NYAP2: variants seen among roughly 807,000 people sequenced by gnomAD.
NYAP2 encodes neuronal tyrosine-phosphorylated phosphoinositide-3-kinase adaptor 2.
A neutral mutation model predicts 50.4 loss-of-function variants in NYAP2; 23 were observed. The ratio of observed to expected loss-of-function variants is 0.46; its 90% CI spans 0.33 to 0.65. The LOEUF (loss-of-function observed/expected upper bound fraction) is 0.65. Ranked by LOEUF, NYAP2 falls within the 30% of genes least tolerant of loss-of-function variation. NYAP2 has a pLI of 0.02. For missense variants in NYAP2, 885 were observed against 861.0 expected, an observed-to-expected ratio of 1.03 and a Z score of -0.35; for synonymous variants, 394 against 365.2, an observed-to-expected ratio of 1.08 and a Z score of -0.90.
intron 3 of NYAP2, among the ~76,000 whole-genome samples, chr2:225,417,642 C>G (rs1276734417): frequency 6.6e-6 from 1 of 151,968 alleles, no homozygotes; most frequent in East Asian, 1.9e-4. Flanking sequence ...GCATTTTCGT[C>G]TCTGATTTGG....
At chr2:225,560,234 T>C (rs1326235175) in intron 4 of NYAP2, among the ~76,000 whole-genome samples, 1 of 152,146 alleles carries the variant, frequency 6.6e-6, no homozygotes, top group Non-Finnish European at 1.5e-5. Context: ...TCTATGCCAA[T>C]AGGCATATTA....
intron 3 of NYAP2, among the ~76,000 whole-genome samples, chr2:225,421,303 A>T (rs960131660): frequency 4.6e-5 from 7 of 152,210 alleles, no homozygotes; most frequent in Non-Finnish European, 1.0e-4. Context: ...CACAATTTAA[A>T]TAGTATTTGT....
intron 6 of NYAP2, among the ~76,000 whole-genome samples, chr2:225,636,952 A>G (rs1463890622): frequency 6.6e-6 from 1 of 152,216 alleles, no homozygotes; most frequent in African/African-American, 2.4e-5. Flanking sequence ...GAAGACCCAT[A>G]GACTCATGAG....
In NYAP2 at chr2:225,446,246, C is replaced by CTCTCTCTA. The variant is rs1239402824; in HGVS notation, c.221+37146_221+37147insCTCTCTAT. 4.9e-4 allele frequency among the ~76,000 whole-genome samples: 40 copies of CTCTCTCTA among 82,268 alleles called. 1 individual carries two copies. Among genetic ancestry groups the CTCTCTCTA allele is most frequent in the Non-Finnish European group, 6.8e-4 (32 of 46,774 alleles). 54.0% of individuals were successfully genotyped at this position (82,268 alleles called of 152,430 possible). A position where few individuals can be genotyped will look rare whatever the true frequency, so the allele number is the denominator to read the frequency against. ...TCTCTCTCTCTCTCTCTCTCTCTCT[C>CTCTCTCTA]TATATATATATATATATATATATAT... is the stretch of plus-strand genomic sequence containing the variant. On this transcript the variant is annotated intron_variant, in intron 3 of 6. Coordinates refer to ENST00000636099, the Ensembl canonical transcript of NYAP2.
chr2:225,542,188 C>G (rs1691486558), intron 4 of NYAP2, among the ~76,000 whole-genome samples: 1 of 151,988 alleles, frequency 6.6e-6, no homozygotes, highest in South Asian at 2.1e-4. Flanking sequence ...TAAGGTTTTC[C>G]AAATGCAGGG....
At chr2:225,514,902 C>T (rs1032776990) in intron 4 of NYAP2, among the ~76,000 whole-genome samples, 6 of 152,158 alleles carry the variant, frequency 3.9e-5, no homozygotes, top group Non-Finnish European at 8.8e-5. Flanking sequence ...CTTTCTTCAA[C>T]TAGGCAGTGT....
chr2:225,534,951 A>T (rs1691321181), intron 4 of NYAP2, among the ~76,000 whole-genome samples: 1 of 152,182 alleles, frequency 6.6e-6, no homozygotes, highest in Admixed American at 6.5e-5. Flanking sequence ...GCAAGGCAGG[A>T]CTTGCTGGAA....
chr2:225,583,124 G>A (rs1692328971), intron 5 of NYAP2, 89 bp downstream of exon 5: 3 of 1,431,360 alleles, frequency 2.1e-6, no homozygotes, highest in African/African-American at 1.4e-5. Flanking sequence ...AACGCACAGA[G>A]TACGGGGTCT....
At chr2:225,551,866 G>A (rs950556268) in intron 4 of NYAP2, among the ~76,000 whole-genome samples, 10 of 152,276 alleles carry the variant, frequency 6.6e-5, no homozygotes, top group African/African-American at 1.9e-4. Context: ...AGGCTGGAGC[G>A]CAGTGGTGCC....
intron 6 of NYAP2, among the ~76,000 whole-genome samples, chr2:225,637,292 A>C (rs1693436982): frequency 6.6e-6 from 1 of 152,176 alleles, no homozygotes; most frequent in Non-Finnish European, 1.5e-5. Flanking sequence ...TTTGTTACGC[A>C]ACAGGAACAG....
chr2:225,521,257 C>G (rs1055018633), intron 4 of NYAP2, among the ~76,000 whole-genome samples: 1 of 151,864 alleles, frequency 6.6e-6, no homozygotes, highest in African/African-American at 2.4e-5. Flanking sequence ...TAATTGAATA[C>G]CCTTTATTTC....
intron 3 of NYAP2, among the ~76,000 whole-genome samples, chr2:225,468,152 G>C (rs1021198959): frequency 6.6e-6 from 1 of 152,128 alleles, no homozygotes; most frequent in Admixed American, 6.6e-5. Flanking sequence ...AACCTTATTT[G>C]GAAATAAAGT....
chr2:225,453,565 CTT>C (rs1689686850), intron 3 of NYAP2, among the ~76,000 whole-genome samples: 1 of 152,086 alleles, frequency 6.6e-6, no homozygotes, highest in Non-Finnish European at 1.5e-5. Flanking sequence ...CACAAAATAA[CTT>C]TTAATTACTG....
chr2:225,527,414 GTGTCAGC>G (rs1559205179), intron 4 of NYAP2, among the ~76,000 whole-genome samples: 2 of 152,160 alleles, frequency 1.3e-5, no homozygotes, highest in African/African-American at 4.8e-5. Flanking sequence ...TCAATCTAGG[GTGTCAGC>G]TGAAGCTGGA....
chr2:225,625,632 T>C (rs1362957995), intron 5 of NYAP2, among the ~76,000 whole-genome samples: 7 of 152,006 alleles, frequency 4.6e-5, no homozygotes, highest in South Asian at 2.1e-4. Flanking sequence ...ATTGTTTTTA[T>C]TGGGGGAGGA....
intron 3 of NYAP2, among the ~76,000 whole-genome samples, chr2:225,475,362 C>G (rs1338338137): frequency 5.3e-5 from 8 of 152,186 alleles, no homozygotes; most frequent in African/African-American, 1.9e-4. Flanking sequence ...TTTGTTCTAC[C>G]CTCCCCTGGT....
chr2:225,610,461 T>G (rs1287347133), intron 5 of NYAP2, among the ~76,000 whole-genome samples: 2 of 152,172 alleles, frequency 1.3e-5, no homozygotes, highest in East Asian at 3.8e-4. Flanking sequence ...TAGAGTCACA[T>G]TGTGGGATTA....
intron 4 of NYAP2, among the ~76,000 whole-genome samples, chr2:225,519,734 A>G (rs1037626145): frequency 6.6e-6 from 1 of 152,128 alleles, no homozygotes; most frequent in African/African-American, 2.4e-5. Flanking sequence ...ATAAACATAC[A>G]TGTGCATGTG....
intron 3 of NYAP2, among the ~76,000 whole-genome samples, chr2:225,485,352 A>G (rs1690273051): frequency 6.6e-6 from 1 of 152,234 alleles, no homozygotes. Context: ...AGTCTTGGGT[A>G]TGTCTTTATT....
Sources: gnomAD v4.1 joint callset for allele counts (sites outside exome capture counted in the v4.1 genomes callset) on GRCh38, gnomAD v4.1.1 for gene constraint, MANE v1.5 for transcripts, NCBI Gene and HGNC (gene_info 2026-07-23, HGNC 2026-07-21) for gene names.